SUGP1: variants seen among roughly 807,000 people sequenced by gnomAD.
SUGP1 encodes the protein SURP and G-patch domain-containing protein 1.
A neutral mutation model predicts 76.5 loss-of-function variants in SUGP1; 34 were observed. That is an observed-to-expected ratio of 0.44 (90% CI 0.34 to 0.59). The LOEUF (loss-of-function observed/expected upper bound fraction) is 0.59, where lower values mean the gene tolerates loss of function less well. Among genes scored for constraint, SUGP1 ranks in the 20% least tolerant of loss-of-function variants. The probability of loss-of-function intolerance (pLI) is 0.01; values close to 1 mark genes in which losing one functional copy is unlikely to be tolerated. For synonymous variants in SUGP1, 326 were observed against 326.2 expected (o/e 1.00, Z 0.01); for missense variants, 752 against 851.7 (o/e 0.88, Z 1.46).
At chr19:19,303,258 C>A (rs773006704) in intron 6 of SUGP1, 90 bp downstream of exon 6, 18 of 1,119,992 alleles carry the variant, frequency 1.6e-5, no homozygotes, top group Non-Finnish European at 2.4e-5. Context: ...CACAGTGCCA[C>A]TCCAGCACCT....
At chr19:19,302,928 T>C (rs2061283230) in intron 6 of SUGP1, among the ~76,000 whole-genome samples, 1 of 152,190 alleles carries the variant, frequency 6.6e-6, no homozygotes, top group African/African-American at 2.4e-5. Flanking sequence ...CAGCTGACAG[T>C]GTCTGTCCCC....
intron 2 of SUGP1, among the ~76,000 whole-genome samples, chr19:19,311,465 C>G (rs1328500731): frequency 1.3e-5 from 2 of 151,884 alleles, no homozygotes; most frequent in Middle Eastern, 3.2e-3. Context: ...CGGTGGCTCA[C>G]GCCTGTAATC....
Position 19,276,650 on chromosome 19 carries a change from A to G in SUGP1, c.1936T>C (p.Ter646ArgextTer10). ...PLNNPRRPYY[*>R] ...GAAAGTATGTATTTCCAGAACACTCAGTAGTAAGGCCGTCTGGGATTGTTC... is the reference window on the plus strand; with the variant it reads ...GAAAGTATGTATTTCCAGAACACTCGGTAGTAAGGCCGTCTGGGATTGTTC... The change falls in exon 14 of 14, where the codon TGA (stop) becomes CGA (arginine). Residue 646 changes from the stop codon to arginine, a stop_lost. Transcript: ENST00000247001. The G allele has an allele frequency of 6.2e-7, 1 of 1,614,170 alleles. No individual in the cohort carries two copies. The highest frequency in any genetic ancestry group is 2.2e-5 in the East Asian group (1 of 44,892).
intron 6 of SUGP1, 138 bp from the exon 7 acceptor site, chr19:19,302,526 T>C: frequency 8.1e-7 from 1 of 1,240,170 alleles, no homozygotes; most frequent in Non-Finnish European, 1.1e-6. Context: ...ATCAGATTAC[T>C]ACACTGGGAC....
At chr19:19,294,061 T>A (rs2061206161) in intron 8 of SUGP1, among the ~76,000 whole-genome samples, 1 of 151,894 alleles carries the variant, frequency 6.6e-6, no homozygotes, top group Non-Finnish European at 1.5e-5. Context: ...GAAGAGCATG[T>A]CTGTAGTCCC....
At chr19:19,310,873 C>G (rs2061348238) in intron 2 of SUGP1, among the ~76,000 whole-genome samples, 2 of 151,956 alleles carry the variant, frequency 1.3e-5, no homozygotes, top group Admixed American at 1.3e-4. Context: ...GAACTTCTAA[C>G]CTCAAGCCAT....
rs2061050948 is a variant in SUGP1 at position 19,276,590 on chromosome 19, G to A, written c.*58C>T. On this transcript the variant is annotated 3_prime_UTR_variant, in exon 14 of 14. Coordinates refer to ENST00000247001, the MANE Select transcript of SUGP1 (RefSeq NM_172231.4). ...AAGGGGTGGGCAGAAATGCAGGCCG[G>A]AACATTCCACAGTCCAGGGACGGTT... is the stretch of plus-strand genomic sequence containing the variant. 1.2e-6 allele frequency: 2 copies of A among 1,608,666 alleles called. No homozygotes were observed. The highest frequency in any genetic ancestry group is 1.7e-5 in the Admixed American group (1 of 59,926).
At chr19:19,307,656 TTC>T (rs1491150147) in intron 3 of SUGP1, among the ~76,000 whole-genome samples, 1 of 152,068 alleles carries the variant, frequency 6.6e-6, no homozygotes, top group Non-Finnish European at 1.5e-5. Context: ...TCTGGTATTT[TTC>T]TTTTTTTTTT....
intron 8 of SUGP1, among the ~76,000 whole-genome samples, chr19:19,289,393 G>A (rs943884002): frequency 1.2e-4 from 18 of 151,930 alleles, no homozygotes; most frequent in African/African-American, 4.1e-4. Context: ...CTTGAGGTCA[G>A]GAGTTTGAGA....
chr19:19,287,909 C>G (rs2061153477), intron 8 of SUGP1, among the ~76,000 whole-genome samples: 1 of 152,162 alleles, frequency 6.6e-6, no homozygotes, highest in African/African-American at 2.4e-5. Context: ...TACAGAGTGC[C>G]TGTCTCTCCT....
intron 2 of SUGP1, chr19:19,316,217 T>G (rs1382897479): frequency 4.8e-6 from 3 of 619,084 alleles, no homozygotes; most frequent in Non-Finnish European, 8.3e-6. Context: ...GTGGATGAGT[T>G]GGCAGGCTGT....
chr19:19,297,089 C>T lies in SUGP1; in HGVS notation c.1143G>A (p.Arg381=), dbSNP rs1376238173. ...GKPASAATVK[R]KRKSRWGPEE... ...CAGGCCCCCACCGGCTCTTCCGCTT[C>T]CTCTTCACGGTGGCTGCGGAGGCTG... The change falls in exon 8 of 14, where the codon AGG becomes AGA. Residue 381 remains arginine (R), a synonymous_variant. Transcript: ENST00000247001. The T allele has an allele frequency of 1.2e-6, 2 of 1,613,850 alleles. No individual in the cohort carries two copies. The highest frequency in any genetic ancestry group is 1.7e-6 in the Non-Finnish European group (2 of 1,180,006).
chr19:19,296,768 T>C (rs529991396), intron 8 of SUGP1, among the ~76,000 whole-genome samples: 1 of 152,344 alleles, frequency 6.6e-6, no homozygotes, highest in South Asian at 2.1e-4. Flanking sequence ...AGCAGTATTA[T>C]TCACAACAGC....
chr19:19,294,373 A>AGTT (rs1452260032), intron 8 of SUGP1, among the ~76,000 whole-genome samples: 1 of 151,852 alleles, frequency 6.6e-6, no homozygotes, highest in Non-Finnish European at 1.5e-5. Context: ...AAAGTACAAA[A>AGTT]GTTAGCCAGG....
intron 8 of SUGP1, among the ~76,000 whole-genome samples, chr19:19,287,789 G>A (rs1599850151): frequency 6.6e-6 from 1 of 152,146 alleles, no homozygotes; most frequent in African/African-American, 2.4e-5. Flanking sequence ...CCGAGACATG[G>A]GCACTGGAAC....
At chr19:19,318,738 C>T (rs1568639826) in intron 1 of SUGP1, among the ~76,000 whole-genome samples, 2 of 152,114 alleles carry the variant, frequency 1.3e-5, no homozygotes, top group African/African-American at 4.8e-5. Flanking sequence ...CCAATATCCA[C>T]AGGGTCGTTT....
chr19:19,277,873 G>A lies in SUGP1; in HGVS notation c.1642C>T (p.Arg548Cys), dbSNP rs751111630. Residue 548 changes from arginine to cysteine, a missense_variant, in exon 12 of 14, where the codon CGT (arginine) becomes TGT (cysteine). Transcript: ENST00000247001. ...METFKALKEG[R>C]EPDYSEYKEF... ...TTGTACTCTGAGTAGTCAGGCTCAC[G>A]GCCCTCCTGCAAGGTGAGGAGGTAG... 1.9e-6 allele frequency: 3 copies of A among 1,613,506 alleles called. No individual in the cohort carries two copies. Among genetic ancestry groups the A allele is most frequent in the Admixed American group, 1.7e-5 (1 of 59,966 alleles).
intron 1 of SUGP1, among the ~76,000 whole-genome samples, chr19:19,318,326 G>T (rs1413859566): frequency 6.8e-6 from 1 of 146,302 alleles, no homozygotes; most frequent in Non-Finnish European, 1.5e-5. Context: ...CACCATGTTG[G>T]CCAGGCTGGT....
intron 8 of SUGP1, among the ~76,000 whole-genome samples, chr19:19,296,525 T>G (rs2061226700): frequency 6.6e-6 from 1 of 151,802 alleles, no homozygotes; most frequent in South Asian, 2.1e-4. Flanking sequence ...CGGGCACCTG[T>G]AGTCCCAGCT....
Sources: gnomAD v4.1 joint callset for allele counts (sites outside exome capture counted in the v4.1 genomes callset) on GRCh38, gnomAD v4.1.1 for gene constraint, MANE v1.5 for transcripts, NCBI Gene and HGNC (gene_info 2026-07-23, HGNC 2026-07-21) for gene names.